Variants in TTC7B observed in about 807,000 individuals in gnomAD.
TTC7B encodes the protein tetratricopeptide repeat protein 7B.
In TTC7B, 28 loss-of-function variants were observed where a neutral mutation model predicts 106.8. The ratio of observed to expected loss-of-function variants is 0.26; its 90% confidence interval spans 0.19 to 0.36. The LOEUF is 0.36. Ranked by LOEUF, TTC7B falls within the 10% of genes least tolerant of loss-of-function variation. The pLI is 1.00. For missense variants in TTC7B, 862 were observed against 1,076.4 expected, an observed-to-expected ratio of 0.80 and a Z score of 2.79; for synonymous variants, 405 against 430.6, an observed-to-expected ratio of 0.94 and a Z score of 0.74.
intron 19 of TTC7B, among the ~76,000 whole-genome samples, chr14:90,546,387 T>C (rs1325245318): frequency 6.6e-6 from 1 of 152,252 alleles, no homozygotes; most frequent in Non-Finnish European, 1.5e-5. Context: ...ATCAAAGGCC[T>C]AACTCCTGAG....
rs1887594473 is a variant in TTC7B, at chr14:90,694,437, G to C, written c.777+1063C>G. On this transcript the variant is annotated intron_variant, in intron 6 of 19. Coordinates refer to ENST00000328459, the MANE Select transcript of TTC7B (RefSeq NM_001010854.2). ...CTGAAATTAAATATTAGTGATAGCT[G>C]GACAATTCTGTGAATATGCTAAAAA... 2.6e-5 allele frequency among the ~76,000 whole-genome samples: 4 copies of C among 151,752 alleles called. No homozygotes were observed. In the South Asian group the frequency reaches 6.2e-4, roughly 24 times the overall value.
At chr14:90,753,962 G>A (rs1454287296) in intron 3 of TTC7B, among the ~76,000 whole-genome samples, 1 of 152,214 alleles carries the variant, frequency 6.6e-6, no homozygotes, top group Admixed American at 6.5e-5. Context: ...CTGAGAGTTT[G>A]CAACTTGAAT....
chr14:90,565,171 T>C (rs1890737459), intron 19 of TTC7B, among the ~76,000 whole-genome samples: 1 of 152,244 alleles, frequency 6.6e-6, no homozygotes, highest in South Asian at 2.1e-4. Context: ...CTTAAGGGAA[T>C]ATTGTGGCTG....
intron 19 of TTC7B, among the ~76,000 whole-genome samples, chr14:90,566,298 C>T (rs183986369): frequency 1.5e-4 from 22 of 151,636 alleles, no homozygotes; most frequent in Non-Finnish European, 2.9e-5. Flanking sequence ...GAGCCAAGAT[C>T]GCACCACTGT....
At chr14:90,646,010 G>A (rs1261192804) in intron 14 of TTC7B, among the ~76,000 whole-genome samples, 1 of 152,206 alleles carries the variant, frequency 6.6e-6, no homozygotes, top group Non-Finnish European at 1.5e-5. Flanking sequence ...AGATCAGATG[G>A]TCAATCAATG....
At chr14:90,574,740 C>G (rs1034586685) in intron 19 of TTC7B, among the ~76,000 whole-genome samples, 2 of 152,250 alleles carry the variant, frequency 1.3e-5, no homozygotes, top group African/African-American at 4.8e-5. Context: ...CATCAGCCAC[C>G]TGACCACCAC....
chr14:90,543,374 C>G (rs1336668226), intron 19 of TTC7B, among the ~76,000 whole-genome samples: 3 of 152,170 alleles, frequency 2.0e-5, no homozygotes, highest in African/African-American at 7.2e-5. Flanking sequence ...CACAAACTAG[C>G]TCATCCTCCC....
At chr14:90,803,832 A>ACG (rs1566896862) in intron 1 of TTC7B, among the ~76,000 whole-genome samples, 1 of 150,638 alleles carries the variant, frequency 6.6e-6, no homozygotes, top group African/African-American at 2.5e-5. Context: ...ACACACACAC[A>ACG]CACAATTCCT....
At chr14:90,786,829 C>T (rs1468505434) in intron 1 of TTC7B, among the ~76,000 whole-genome samples, 3 of 152,170 alleles carry the variant, frequency 2.0e-5, no homozygotes, top group Non-Finnish European at 4.4e-5. Context: ...GATCCGCCCA[C>T]CTCGACCTCC....
Position 90,524,908 on chromosome 14 carries a change from A to G in TTC7B, c.*16460T>C, listed in dbSNP as rs968292019. On this transcript the variant is annotated 3_prime_UTR_variant, in exon 20 of 20. Coordinates refer to ENST00000328459, the MANE Select transcript of TTC7B (RefSeq NM_001010854.2). ...TTTTTTTAAAAAAAAAAAACAAACA[A>G]AAAAACAAAAAACAGCCTTATGAAG... 4 of 152,146 alleles carry G rather than the reference A, an allele frequency of 2.6e-5. No individual in the cohort carries two copies. The highest frequency in any genetic ancestry group is 9.7e-5 in the African/African-American group (4 of 41,444). The allele number at this position is 152,146 out of a possible 1,614,324, so 9.4% of individuals were successfully genotyped here.
chr14:90,575,708 C>T lies in TTC7B; in HGVS notation c.2310+2398G>A, dbSNP rs566729498. Among the ~76,000 whole-genome samples, 1 of 152,334 alleles carries T rather than the reference C, an allele frequency of 6.6e-6. No individual in the cohort carries two copies. The highest frequency in any genetic ancestry group is 2.1e-4 in the South Asian group (1 of 4,830). On this transcript the variant is annotated intron_variant, in intron 19 of 19. Coordinates refer to ENST00000328459, the MANE Select transcript of TTC7B (RefSeq NM_001010854.2). The surrounding 1 kb of genome is among the most constrained non-coding windows in gnomAD (Gnocchi z 5.2). ...TAGAAAATCACCAAGAAGGCGTGCT[C>T]AAGCTACCTTCGGGAGCCACACTGA...
intron 9 of TTC7B, among the ~76,000 whole-genome samples, chr14:90,672,022 G>C (rs1275376557): frequency 6.6e-6 from 1 of 152,246 alleles, no homozygotes; most frequent in Non-Finnish European, 1.5e-5. Context: ...GGACAGGAGA[G>C]AGAGGAACAT....
At chr14:90,669,617 G>C (rs1886555918) in intron 9 of TTC7B, among the ~76,000 whole-genome samples, 1 of 150,272 alleles carries the variant, frequency 6.7e-6, no homozygotes, top group Non-Finnish European at 1.5e-5. Flanking sequence ...ATTGGCAAAA[G>C]ACTTGAATAG....
intron 5 of TTC7B, among the ~76,000 whole-genome samples, chr14:90,727,470 C>A (rs1235312234): frequency 6.6e-6 from 1 of 152,236 alleles, no homozygotes; most frequent in Non-Finnish European, 1.5e-5. Context: ...CTGTGAGGAC[C>A]AGTGACCATG....
chr14:90,782,656 G>T (rs577312752), intron 2 of TTC7B, among the ~76,000 whole-genome samples: 19 of 152,198 alleles, frequency 1.2e-4, no homozygotes, highest in African/African-American at 4.1e-4. Flanking sequence ...GCCAGGCTTG[G>T]GTATTTTGAA....
intron 3 of TTC7B, among the ~76,000 whole-genome samples, chr14:90,776,616 G>GCCCCCT: frequency 6.6e-6 from 1 of 152,162 alleles, no homozygotes; most frequent in East Asian, 1.9e-4. Flanking sequence ...TTAAGGTAGA[G>GCCCCCT]GAACCAAGGG....
chr14:90,544,825 G>A (rs1381977327), intron 19 of TTC7B, among the ~76,000 whole-genome samples: 2 of 152,182 alleles, frequency 1.3e-5, no homozygotes, highest in East Asian at 3.9e-4. Flanking sequence ...ACACACAACA[G>A]GTTTCTGAGT....
At position 90,600,828 on chromosome 14, in the gene TTC7B, G is replaced by A. The variant is rs1035480370; in HGVS notation, c.1967-7202C>T. Among the ~76,000 whole-genome samples, 4 of 152,214 alleles carry A rather than the reference G, an allele frequency of 2.6e-5. No homozygotes were observed. Among genetic ancestry groups the A allele is most frequent in the African/African-American group, 9.6e-5 (4 of 41,466 alleles). ...CCGCTGCCGGTGGCTCTGCGCTAGA[G>A]ACAGTACCTTCTGGAGGACTACATT... On this transcript the variant is annotated intron_variant, in intron 17 of 19. Transcript: ENST00000328459. The surrounding 1 kb of genome is among the most constrained non-coding windows in gnomAD (Gnocchi z 4.3).
At chr14:90,795,880 T>G (rs577362201) in intron 1 of TTC7B, among the ~76,000 whole-genome samples, 1 of 152,254 alleles carries the variant, frequency 6.6e-6, no homozygotes, top group South Asian at 2.1e-4. Context: ...TCATACGAAG[T>G]GCCATGCAGT....
Sources: gnomAD v4.1 joint callset for allele counts (sites outside exome capture counted in the v4.1 genomes callset) on GRCh38, gnomAD v4.1.1 for gene constraint, Gnocchi (gnomAD v3.1) non-coding constraint, MANE v1.5 for transcripts, NCBI Gene and HGNC (gene_info 2026-07-23, HGNC 2026-07-21) for gene names.